ROBO2: variants seen among roughly 807,000 people sequenced by gnomAD.
The protein encoded by ROBO2 is roundabout guidance receptor 2, also known as roundabout homolog 2.
Under a neutral mutation model 160.8 loss-of-function variants are expected in ROBO2, and 53 were observed. The observed-to-expected ratio is 0.33, with a 90% confidence interval of 0.26 to 0.41. ROBO2 has a LOEUF of 0.41. Among genes scored for constraint, ROBO2 ranks in the 10% least tolerant of loss-of-function variants. The probability of loss-of-function intolerance (pLI) is 1.00; values close to 1 mark genes in which losing one functional copy is unlikely to be tolerated. For missense variants in ROBO2, 1,577 were observed against 1,722.4 expected (o/e 0.92, Z 1.49); for synonymous variants, 664 against 611.7 (o/e 1.09, Z -1.26).
chr3:76,942,603 A>G (rs1049643410), intron 2 of ROBO2, among the ~76,000 whole-genome samples: 1 of 152,214 alleles, frequency 6.6e-6, no homozygotes, highest in Non-Finnish European at 1.5e-5. Context: ...TAGGTTGGCT[A>G]TATACACTCA....
chr3:77,609,044 T>C (rs150521360), intron 21 of ROBO2, among the ~76,000 whole-genome samples: 1 of 151,600 alleles, frequency 6.6e-6, no homozygotes, highest in Admixed American at 6.6e-5. Context: ...ATTTGCCTTT[T>C]TTTATAAAAT....
chr3:76,023,680 A>G (rs1023556348), intron 2 of ROBO2, among the ~76,000 whole-genome samples: 2 of 151,678 alleles, frequency 1.3e-5, no homozygotes, highest in African/African-American at 4.8e-5. Flanking sequence ...ATAACTATAA[A>G]TATAACCATA....
intron 2 of ROBO2, among the ~76,000 whole-genome samples, chr3:76,789,974 A>C (rs1424413636): frequency 1.3e-5 from 2 of 151,680 alleles, no homozygotes; most frequent in Non-Finnish European, 3.0e-5. Context: ...TAAACCATTT[A>C]TCTCTATATT....
chr3:76,005,093 G>C (rs2065983512), intron 2 of ROBO2, among the ~76,000 whole-genome samples: 1 of 152,208 alleles, frequency 6.6e-6, no homozygotes, highest in Non-Finnish European at 1.5e-5. Context: ...GTCCTCACCA[G>C]ACGCTTGCCT....
chr3:76,181,433 A>AAAAT (rs1368900182), intron 2 of ROBO2, among the ~76,000 whole-genome samples: 1 of 152,108 alleles, frequency 6.6e-6, no homozygotes, highest in African/African-American at 2.4e-5. Context: ...CATTGTTTCT[A>AAAAT]AAATAAGACT....
chr3:77,111,853 A>G (rs1031275795), intron 2 of ROBO2, among the ~76,000 whole-genome samples: 4 of 152,158 alleles, frequency 2.6e-5, no homozygotes, highest in Non-Finnish European at 5.9e-5. Context: ...AAAATTATGC[A>G]TGGATTATTG....
At chr3:77,190,423 T>C (rs550839351) in intron 2 of ROBO2, among the ~76,000 whole-genome samples, 1 of 152,172 alleles carries the variant, frequency 6.6e-6, no homozygotes, top group South Asian at 2.1e-4. Flanking sequence ...CGATATTGTC[T>C]GAGTGCTCTA....
chr3:77,415,682 G>A (rs2077160459), intron 2 of ROBO2, among the ~76,000 whole-genome samples: 1 of 152,128 alleles, frequency 6.6e-6, no homozygotes, highest in South Asian at 2.1e-4. Flanking sequence ...TGAGCTGGGT[G>A]TGGGCAGTTT....
intron 22 of ROBO2, 150 bp downstream of exon 23, chr3:77,617,923 A>C (rs2094817090): frequency 1.1e-5 from 9 of 835,370 alleles, no homozygotes; most frequent in Non-Finnish European, 1.7e-5. Flanking sequence ...AAATGTATCC[A>C]CTGAGAAATG....
At chr3:76,047,515 A>G (rs2067490567) in intron 2 of ROBO2, among the ~76,000 whole-genome samples, 1 of 152,194 alleles carries the variant, frequency 6.6e-6, no homozygotes, top group Non-Finnish European at 1.5e-5. Context: ...TGGAGGTGAG[A>G]ACCAGTCTTG....
chr3:76,521,291 C>T (rs748650611), intron 2 of ROBO2, among the ~76,000 whole-genome samples: 11 of 152,170 alleles, frequency 7.2e-5, no homozygotes, highest in Admixed American at 1.3e-4. Flanking sequence ...CCAAGTGATC[C>T]GCCCGCCTTG....
At chr3:76,866,283 A>C (rs535884951) in intron 2 of ROBO2, among the ~76,000 whole-genome samples, 1 of 152,298 alleles carries the variant, frequency 6.6e-6, no homozygotes, top group African/African-American at 2.4e-5. Flanking sequence ...AAAATTATTT[A>C]GCTTCATATT....
chr3:76,182,253 CA>C, intron 2 of ROBO2, among the ~76,000 whole-genome samples: 1 of 152,196 alleles, frequency 6.6e-6, no homozygotes, highest in South Asian at 2.1e-4. Flanking sequence ...TTTATTTAGT[CA>C]ATTACAACCT....
intron 2 of ROBO2, among the ~76,000 whole-genome samples, chr3:77,259,907 G>A (rs1395157532): frequency 6.6e-6 from 1 of 152,168 alleles, no homozygotes; most frequent in African/African-American, 2.4e-5. Context: ...TTTTACGGCA[G>A]CACCATCTGG....
rs541919568 is a variant in ROBO2, at chr3:75,949,398, A to G, written c.109+11796A>G. Among the ~76,000 whole-genome samples, 6 of 152,190 alleles carry G rather than the reference A, an allele frequency of 3.9e-5. No individual in the cohort carries two copies. In the East Asian group the frequency reaches 1.2e-3, roughly 30 times the overall value. On this transcript the variant is annotated intron_variant, in intron 2 of 26. Transcript: ENST00000487694. ...TCATTTGTGAATTTATCTCAGAGGA[A>G]TTTTGTGTGTGCCTTTTACTCATAG...
rs184167686 is a variant in ROBO2, at chr3:76,466,080, T to G, written c.109+528478T>G. On this transcript the variant is annotated intron_variant, in intron 2 of 26. Coordinates refer to the ROBO2 transcript ENST00000487694. ...TACAATATATACTTCATGTATAAAA[T>G]GTACATAATTTTTTAAATTCTTGCA... 2.4e-3 allele frequency among the ~76,000 whole-genome samples: 365 copies of G among 151,728 alleles called. 1 individual carries two copies. Among genetic ancestry groups the G allele is most frequent in the African/African-American group, 8.1e-3 (335 of 41,476 alleles).
intron 2 of ROBO2, among the ~76,000 whole-genome samples, chr3:76,936,083 C>T (rs1399145903): frequency 6.6e-6 from 1 of 151,890 alleles, no homozygotes; most frequent in Non-Finnish European, 1.5e-5. Flanking sequence ...GCAAGAATAC[C>T]ACAAAAGTGA....
In ROBO2 at chr3:77,388,141, TACACACACACAC is replaced by T. The variant is rs60937023; in HGVS notation, c.389-89253_389-89242del. Among the ~76,000 whole-genome samples the T allele has an allele frequency of 4.1e-5, 6 of 147,024 alleles. No individual in the cohort carries two copies. The South Asian group carries it at 1.1e-3, about 27-fold the overall frequency. On this transcript the variant is annotated intron_variant, in intron 2 of 25. Coordinates refer to ENST00000461745, the Ensembl canonical transcript of ROBO2. ...AACTCCATTCTCATAGATTCACACA[TACACACACACAC>T]ACACACACACACACACACAAGCAGT...
intron 2 of ROBO2, among the ~76,000 whole-genome samples, chr3:76,388,196 T>A (rs974829893): frequency 3.3e-5 from 5 of 152,172 alleles, no homozygotes; most frequent in Non-Finnish European, 7.4e-5. Context: ...TTTGAATGTG[T>A]AAAGGAAAAT....
Sources: gnomAD v4.1 joint callset for allele counts (sites outside exome capture counted in the v4.1 genomes callset) on GRCh38, gnomAD v4.1.1 for gene constraint, MANE v1.5 for transcripts, NCBI Gene and HGNC (gene_info 2026-07-23, HGNC 2026-07-21) for gene names.